CTNNA2: variants seen among roughly 807,000 people sequenced by gnomAD.
CTNNA2 encodes catenin alpha-2.
CTNNA2 carries 42 observed loss-of-function variants against 101.0 expected under a neutral mutation model. The ratio of observed to expected loss-of-function variants is 0.42; its 90% CI spans 0.32 to 0.54. The LOEUF is 0.54. CTNNA2 is among the 20% of genes least tolerant of loss of function. CTNNA2 has a pLI of 0.14. For missense variants in CTNNA2, 871 were observed against 1,223.1 expected (o/e 0.71, Z 4.29); for synonymous variants, 450 against 456.4 (o/e 0.99, Z 0.18).
chr2:79,958,516 G>C (rs890840000), intron 7 of CTNNA2, among the ~76,000 whole-genome samples: 2 of 152,124 alleles, frequency 1.3e-5, no homozygotes, highest in African/African-American at 4.8e-5. Context: ...TGAAGATGGA[G>C]GAAGGGACCA....
In CTNNA2 at chr2:79,546,966, T is replaced by C. The variant is rs1394632310; in HGVS notation, c.-6+33759T>C. 2.1e-5 allele frequency among the ~76,000 whole-genome samples: 3 copies of C among 143,256 alleles called. No individual in the cohort carries two copies. The East Asian group carries it at 6.2e-4, about 30-fold the overall frequency. 94.0% of individuals were successfully genotyped at this position (143,256 alleles called of 152,430 possible). A position where few individuals can be genotyped will look rare whatever the true frequency, so the allele number is the denominator to read the frequency against. ...AGTGCTTCCAGGCCAACTAATTTTTTAGAAATTTGTGGAATTTGTGAAAAG... is the reference window on the plus strand; with the variant it reads ...AGTGCTTCCAGGCCAACTAATTTTTCAGAAATTTGTGGAATTTGTGAAAAG... On this transcript the variant is annotated intron_variant, in intron 1 of 18. Coordinates refer to ENST00000402739, the MANE Select transcript of CTNNA2 (RefSeq NM_001282597.3).
chr2:79,768,508 C>T (rs975007526), intron 3 of CTNNA2, among the ~76,000 whole-genome samples: 19 of 151,628 alleles, frequency 1.3e-4, no homozygotes, highest in Non-Finnish European at 2.4e-4. Flanking sequence ...ATTCCACCAT[C>T]TTGCTCTGCC....
At chr2:79,306,088 T>C (rs1233133011) in intron 2 of CTNNA2, among the ~76,000 whole-genome samples, 2 of 148,910 alleles carry the variant, frequency 1.3e-5, no homozygotes, top group Non-Finnish European at 3.0e-5. Flanking sequence ...TACGACAACA[T>C]GGATTAAACC....
intron 2 of CTNNA2, among the ~76,000 whole-genome samples, chr2:79,312,223 A>G (rs1359742280): frequency 6.6e-6 from 1 of 152,198 alleles, no homozygotes; most frequent in African/African-American, 2.4e-5. Context: ...CCCAGGCATA[A>G]GGTTTTAACT....
intron 1 of CTNNA2, among the ~76,000 whole-genome samples, chr2:79,554,415 G>C (rs572036067): frequency 9.9e-5 from 15 of 152,114 alleles, no homozygotes; most frequent in Non-Finnish European, 1.9e-4. Flanking sequence ...AAAATTATGA[G>C]AGGACATATG....
At chr2:80,402,060 A>G (rs1678598579) in intron 8 of CTNNA2, among the ~76,000 whole-genome samples, 1 of 152,208 alleles carries the variant, frequency 6.6e-6, no homozygotes, top group African/African-American at 2.4e-5. Flanking sequence ...CCAGCTATAC[A>G]TTGGGGGATT....
At chr2:80,243,881 C>G (rs752947147) in intron 7 of CTNNA2, among the ~76,000 whole-genome samples, 3 of 152,106 alleles carry the variant, frequency 2.0e-5, no homozygotes, top group Non-Finnish European at 4.4e-5. Flanking sequence ...GAGGCTGTAC[C>G]ATTTTATATT....
chr2:79,390,482 T>C (rs1678159712), intron 4 of CTNNA2, among the ~76,000 whole-genome samples: 1 of 152,208 alleles, frequency 6.6e-6, no homozygotes, highest in Non-Finnish European at 1.5e-5. Context: ...ATACCTTTCT[T>C]GATTACTTCA....
At chr2:80,181,323 G>A (rs1705762560) in intron 7 of CTNNA2, among the ~76,000 whole-genome samples, 1 of 151,990 alleles carries the variant, frequency 6.6e-6, no homozygotes, top group Admixed American at 6.6e-5. Context: ...TGCCACCACT[G>A]GGGGTGGGAA....
intron 7 of CTNNA2, among the ~76,000 whole-genome samples, chr2:80,004,705 A>ATTTT (rs1472685766): frequency 6.6e-6 from 1 of 150,494 alleles, no homozygotes; most frequent in Non-Finnish European, 1.5e-5. Context: ...TTATTTATTT[A>ATTTT]TTTATCCATC....
chr2:80,261,795 T>C (rs1024428151), intron 7 of CTNNA2, among the ~76,000 whole-genome samples: 3 of 152,214 alleles, frequency 2.0e-5, no homozygotes, highest in Non-Finnish European at 2.9e-5. Flanking sequence ...AGCCATTTAT[T>C]AGTCTAAATC....
chr2:79,612,334 A>G (rs1678330372), intron 1 of CTNNA2, among the ~76,000 whole-genome samples: 1 of 152,132 alleles, frequency 6.6e-6, no homozygotes, highest in Non-Finnish European at 1.5e-5. Flanking sequence ...ATAAATGCTG[A>G]CCTCAAATAT....
At chr2:80,023,575 G>A (rs1373254901) in intron 7 of CTNNA2, among the ~76,000 whole-genome samples, 1 of 152,046 alleles carries the variant, frequency 6.6e-6, no homozygotes. Flanking sequence ...GACTTTGTGG[G>A]GAATTTGTTT....
At chr2:80,143,644 G>T (rs946882124) in intron 7 of CTNNA2, among the ~76,000 whole-genome samples, 1 of 151,946 alleles carries the variant, frequency 6.6e-6, no homozygotes, top group Admixed American at 6.6e-5. Flanking sequence ...ACGATATTAC[G>T]TAAAATACAT....
chr2:79,211,832 G>A (rs1466307155), intron 2 of CTNNA2, among the ~76,000 whole-genome samples: 2 of 152,108 alleles, frequency 1.3e-5, no homozygotes, highest in Non-Finnish European at 2.9e-5. Context: ...CAATTTTGGG[G>A]GATGGTATGG....
chr2:80,571,526 G>C (rs1694593797), intron 12 of CTNNA2, among the ~76,000 whole-genome samples: 1 of 152,152 alleles, frequency 6.6e-6, no homozygotes, highest in Admixed American at 6.5e-5. Flanking sequence ...TATATTTAAA[G>C]TGGTATATAT....
intron 2 of CTNNA2, among the ~76,000 whole-genome samples, chr2:79,229,047 T>C (rs908745210): frequency 1.3e-5 from 2 of 152,192 alleles, no homozygotes; most frequent in Admixed American, 6.5e-5. Context: ...GTTAATTTTG[T>C]CAAAGGTCAA....
intron 2 of CTNNA2, among the ~76,000 whole-genome samples, chr2:79,241,968 C>A (rs886980712): frequency 6.6e-6 from 1 of 151,716 alleles, no homozygotes; most frequent in Non-Finnish European, 1.5e-5. Flanking sequence ...TGCAGTGGCG[C>A]GATCTCCGCT....
chr2:79,371,383 G>A (rs1016982677), intron 3 of CTNNA2, among the ~76,000 whole-genome samples: 2 of 151,998 alleles, frequency 1.3e-5, no homozygotes, highest in Non-Finnish European at 2.9e-5. Context: ...GGCAACTGAA[G>A]CTATCAGCAG....
Sources: allele counts gnomAD v4.1 joint callset (sites outside exome capture counted in the v4.1 genomes callset), GRCh38; gene constraint gnomAD v4.1.1; transcripts MANE v1.5; gene names NCBI Gene and HGNC (gene_info 2026-07-23, HGNC 2026-07-21).